Variants in FBLN7 observed in about 807,000 individuals in gnomAD.
The protein encoded by FBLN7 is fibulin-7.
A neutral mutation model predicts 44.0 loss-of-function variants in FBLN7; 31 were observed. The ratio of observed to expected loss-of-function variants is 0.70; its 90% CI spans 0.53 to 0.95. The LOEUF (loss-of-function observed/expected upper bound fraction) is 0.95, where lower values mean the gene tolerates loss of function less well. Ranked by LOEUF, FBLN7 falls within the 40% of genes least tolerant of loss-of-function variation. FBLN7 has a pLI of 0.00. For missense variants in FBLN7, 573 were observed against 618.5 expected, an observed-to-expected ratio of 0.93 and a Z score of 0.78; for synonymous variants, 262 against 253.4, an observed-to-expected ratio of 1.03 and a Z score of -0.32.
chr2:112,241,009 T>G, the FBLN7 span, among the ~76,000 whole-genome samples: 5 of 145,462 alleles, frequency 3.4e-5, no homozygotes, highest in South Asian at 2.2e-4. Flanking sequence ...GTGTTGTGTT[T>G]TGTGTGTGTG....
At position 112,185,337 on chromosome 2, in the gene FBLN7, A is replaced by G; in HGVS notation, c.945A>G (p.Pro315=). 6.2e-7 allele frequency: 1 copy of G among 1,613,018 alleles called. No individual in the cohort carries two copies. The highest frequency in any genetic ancestry group is 8.5e-7 in the Non-Finnish European group (1 of 1,179,194). Residue 315 remains proline (P), a splice_region_variant and synonymous_variant, in exon 7 of 8, where the codon CCA becomes CCG. Transcript: ENST00000331203. ...SGNVSYVKTS[P]FQCERNPCPM... is the part of the protein sequence containing the mutation. ...ATGTGAGCTACGTGAAGACGTCTCC[A>G]TTGTGAGTATCTCCAGGGGAGGCAC...
intron 2 of FBLN7, among the ~76,000 whole-genome samples, chr2:112,160,794 A>G (rs545340557): frequency 1.7e-4 from 24 of 138,608 alleles, no homozygotes; most frequent in East Asian, 1.6e-3. Flanking sequence ...ACGCACACGC[A>G]CACACGCACG....
chr2:112,182,842 T>C lies in FBLN7; in HGVS notation c.722T>C (p.Met241Thr). The C allele has an allele frequency of 6.2e-7, 1 of 1,612,618 alleles. No individual in the cohort carries two copies. The highest frequency in any genetic ancestry group is 8.5e-7 in the Non-Finnish European group (1 of 1,179,648). Reference protein sequence around the residue: ...YGQEGRPRLCMHACVNTPGSY... With the variant: ...YGQEGRPRLCTHACVNTPGSY... ...CAGGAGGGGCGCCCCCGGCTCTGCATGCACGCCTGCGTGAACACCCCGGGC... is the reference window on the plus strand; with the variant it reads ...CAGGAGGGGCGCCCCCGGCTCTGCACGCACGCCTGCGTGAACACCCCGGGC... Residue 241 changes from methionine (M) to threonine (T), a missense_variant, in exon 6 of 8, where the codon ATG becomes ACG. Met to Thr is a moderately conservative substitution (Grantham distance 81). Coordinates refer to ENST00000331203, the MANE Select transcript of FBLN7 (RefSeq NM_153214.3).
chr2:112,150,067 G>A (rs191975042), intron 1 of FBLN7, among the ~76,000 whole-genome samples: 16 of 152,284 alleles, frequency 1.1e-4, no homozygotes, highest in Admixed American at 3.3e-4. Context: ...GAAAGTCCCC[G>A]AGCCACCCTT....
intron 1 of FBLN7, 57 bp from the exon 2 acceptor site, chr2:112,159,619 G>C (rs1328769069): frequency 1.4e-6 from 2 of 1,425,366 alleles, no homozygotes; most frequent in Non-Finnish European, 1.9e-6. Context: ...GCTCAGACAA[G>C]CATGTGGGAC....
chr2:112,205,913 T>A, the FBLN7 span, among the ~76,000 whole-genome samples: 1 of 152,208 alleles, frequency 6.6e-6, no homozygotes, highest in Admixed American at 6.5e-5. Flanking sequence ...TGGAGAGAAT[T>A]GACATCTTCC....
At chr2:112,237,731 A>G in the FBLN7 span, among the ~76,000 whole-genome samples, 1 of 151,964 alleles carries the variant, frequency 6.6e-6, no homozygotes, top group Non-Finnish European at 1.5e-5. Flanking sequence ...ATGTGCCACC[A>G]TACCCTGATA....
the FBLN7 span, among the ~76,000 whole-genome samples, chr2:112,237,578 A>T: frequency 1.6e-5 from 2 of 124,716 alleles, no homozygotes; most frequent in African/African-American, 2.8e-5. Flanking sequence ...TTAAAATTTT[A>T]ATTTTTTTTT....
the FBLN7 span, among the ~76,000 whole-genome samples, chr2:112,205,056 G>A: frequency 1.3e-5 from 2 of 151,858 alleles, no homozygotes; most frequent in Admixed American, 1.3e-4. Context: ...GAGGGAAAAG[G>A]GAAAAAAGCC....
the FBLN7 span, among the ~76,000 whole-genome samples, chr2:112,224,503 T>C: frequency 2.0e-5 from 3 of 152,318 alleles, no homozygotes; most frequent in Non-Finnish European, 4.4e-5. Flanking sequence ...AGGACAAAAA[T>C]ACACTATCAT....
rs542302747 is a variant in FBLN7, at chr2:112,187,585, G to A, written c.*79G>A. Reference sequence around the variant, plus strand: ...AGGCTCAGCTTCGGGCACCGACTGCGTGGAGCCTCCCGCCTGTTCCCGCCC... The same window carrying A: ...AGGCTCAGCTTCGGGCACCGACTGCATGGAGCCTCCCGCCTGTTCCCGCCC... On this transcript the variant is annotated 3_prime_UTR_variant, in exon 8 of 8. Coordinates refer to ENST00000331203, the MANE Select transcript of FBLN7 (RefSeq NM_153214.3). This position sits in a 1 kb window ranked among gnomAD's most constrained non-coding sequence, Gnocchi z 5.1. 4.3e-3 allele frequency: 6,716 copies of A among 1,552,922 alleles called. 21 individuals are homozygous for A. Among genetic ancestry groups the A allele is most frequent in the Non-Finnish European group, 5.2e-3 (5,973 of 1,145,400 alleles).
chr2:112,237,035 T>C, the FBLN7 span, among the ~76,000 whole-genome samples: 1 of 152,208 alleles, frequency 6.6e-6, no homozygotes, highest in Non-Finnish European at 1.5e-5. Flanking sequence ...CACTCCAGCC[T>C]GGGCAACAGA....
At chr2:112,161,843 G>C (rs1681888934) in intron 2 of FBLN7, among the ~76,000 whole-genome samples, 1 of 152,192 alleles carries the variant, frequency 6.6e-6, no homozygotes, top group African/African-American at 2.4e-5. Flanking sequence ...GTATTTCTAA[G>C]TGTGTGGGGG....
chr2:112,175,724 A>T lies in FBLN7; in HGVS notation c.417A>T (p.Glu139Asp). 6.2e-7 allele frequency: 1 copy of T among 1,614,206 alleles called. No individual in the cohort carries two copies. Among genetic ancestry groups the T allele is most frequent in the Non-Finnish European group, 8.5e-7 (1 of 1,180,026 alleles). The change falls in exon 4 of 8, where the codon GAA becomes GAT. Residue 139 changes from glutamate (E) to aspartate (D), a missense_variant. Physicochemically the swap from Glu to Asp is conservative, Grantham distance 45. Coordinates refer to ENST00000331203, the MANE Select transcript of FBLN7 (RefSeq NM_153214.3). ...GEQPHCRGIS[E>D]CSSQPCQNGG... ...TATTTATCTTCCTAGGTATCAGTGA[A>T]TGCTCCAGCCAGCCTTGTCAAAATG...
intron 1 of FBLN7, among the ~76,000 whole-genome samples, chr2:112,140,849 A>G (rs1364567547): frequency 6.6e-6 from 1 of 152,038 alleles, no homozygotes; most frequent in Non-Finnish European, 1.5e-5. Context: ...GTGCGACTAC[A>G]TTTTCTTAAA....
At chr2:112,173,540 G>T (rs568776404) in intron 3 of FBLN7, among the ~76,000 whole-genome samples, 4 of 152,042 alleles carry the variant, frequency 2.6e-5, no homozygotes, top group South Asian at 4.1e-4. Flanking sequence ...GAAGGAATTA[G>T]AAATAAAAGA....
the FBLN7 span, among the ~76,000 whole-genome samples, chr2:112,223,266 A>T: frequency 6.6e-6 from 1 of 152,210 alleles, no homozygotes; most frequent in South Asian, 2.1e-4. Context: ...ATTTAAAAAA[A>T]GAAAAAAAAA....
the FBLN7 span, among the ~76,000 whole-genome samples, chr2:112,227,067 A>G: frequency 5.3e-4 from 80 of 152,348 alleles, no homozygotes; most frequent in African/African-American, 1.9e-3. Flanking sequence ...GTATCTATAA[A>G]AACCTACAGC....
chr2:112,179,138 G>T (rs1311006813), intron 4 of FBLN7, among the ~76,000 whole-genome samples: 2 of 152,158 alleles, frequency 1.3e-5, no homozygotes, highest in East Asian at 3.8e-4. Flanking sequence ...CTTCAGCAAA[G>T]TTGCAGGATA....
Sources: gnomAD v4.1 joint callset for allele counts (sites outside exome capture counted in the v4.1 genomes callset) on GRCh38, gnomAD v4.1.1 for gene constraint, Gnocchi (gnomAD v3.1) non-coding constraint, MANE v1.5 for transcripts, NCBI Gene and HGNC (gene_info 2026-07-23, HGNC 2026-07-21) for gene names.